Variants in DPYD observed in about 807,000 individuals in gnomAD.
DPYD encodes dihydropyrimidine dehydrogenase [NADP(+)].
Under a neutral mutation model 116.2 loss-of-function variants are expected in DPYD, and 109 were observed. The observed-to-expected ratio is 0.94, with a 90% CI of 0.80 to 1.10. DPYD has a LOEUF of 1.10. Among genes scored for constraint, DPYD ranks in the 50% least tolerant of loss-of-function variants. The pLI, the probability that DPYD is intolerant of heterozygous loss-of-function variation, is 0.00. For missense variants in DPYD, 1,302 were observed against 1,254.5 expected, an observed-to-expected ratio of 1.04 and a Z score of -0.57; for synonymous variants, 440 against 432.0, an observed-to-expected ratio of 1.02 and a Z score of -0.23.
At chr1:97,351,030 G>GT (rs1490959325) in intron 16 of DPYD, among the ~76,000 whole-genome samples, 1 of 152,106 alleles carries the variant, frequency 6.6e-6, no homozygotes, top group Non-Finnish European at 1.5e-5. Flanking sequence ...GCTGAACTTT[G>GT]TATCTCCTAT....
intron 14 of DPYD, among the ~76,000 whole-genome samples, chr1:97,415,296 A>G (rs1038869087): frequency 8.5e-5 from 13 of 152,154 alleles, no homozygotes; most frequent in Non-Finnish European, 1.5e-4. Flanking sequence ...GATCTTTTTC[A>G]CAATCTCCAG....
chr1:97,493,581 A>G (rs1452720851), intron 13 of DPYD, among the ~76,000 whole-genome samples: 1 of 152,120 alleles, frequency 6.6e-6, no homozygotes, highest in Non-Finnish European at 1.5e-5. Context: ...ACTGGGAATT[A>G]TGATTCATGG....
intron 13 of DPYD, among the ~76,000 whole-genome samples, chr1:97,457,673 T>C (rs1437893844): frequency 4.6e-5 from 7 of 152,146 alleles, no homozygotes; most frequent in Admixed American, 4.6e-4. Flanking sequence ...TTGTGGGAGT[T>C]CAGGTGACTG....
At chr1:97,895,899 C>T (rs917132903) in intron 1 of DPYD, among the ~76,000 whole-genome samples, 3 of 151,610 alleles carry the variant, frequency 2.0e-5, no homozygotes, top group Non-Finnish European at 3.0e-5. Context: ...CAAGATATCC[C>T]AATTTTTTTA....
intron 5 of DPYD, among the ~76,000 whole-genome samples, chr1:97,712,439 CT>C (rs1383873634): frequency 6.6e-6 from 1 of 151,600 alleles, no homozygotes; most frequent in African/African-American, 2.4e-5. Flanking sequence ...ATTTTATCTC[CT>C]TTTAGGATAT....
chr1:97,705,748 C>G (rs1354428064), intron 5 of DPYD, among the ~76,000 whole-genome samples: 2 of 152,082 alleles, frequency 1.3e-5, no homozygotes, highest in Non-Finnish European at 2.9e-5. Flanking sequence ...ACAGTCCCAC[C>G]AACAGTGTAA....
intron 8 of DPYD, among the ~76,000 whole-genome samples, chr1:97,640,875 T>C (rs1038190334): frequency 2.0e-5 from 3 of 152,170 alleles, no homozygotes. Context: ...GCATGACTCA[T>C]ACTTGGCCCT....
intron 13 of DPYD, among the ~76,000 whole-genome samples, chr1:97,472,233 T>C (rs562197606): frequency 4.3e-4 from 65 of 152,328 alleles, no homozygotes; most frequent in Non-Finnish European, 8.7e-4. Context: ...TGCCAGTCTC[T>C]GAAGAGTTCC....
intron 3 of DPYD, among the ~76,000 whole-genome samples, chr1:97,817,477 T>G (rs1668684283): frequency 6.6e-6 from 1 of 152,030 alleles, no homozygotes; most frequent in South Asian, 2.1e-4. Flanking sequence ...TAACTAAATG[T>G]CAATGTCTAT....
At chr1:97,169,957 A>C (rs1656603658) in intron 20 of DPYD, among the ~76,000 whole-genome samples, 1 of 152,174 alleles carries the variant, frequency 6.6e-6, no homozygotes, top group African/African-American at 2.4e-5. Flanking sequence ...ACACTCAATA[A>C]ATAACTAAGG....
intron 21 of DPYD, chr1:97,095,825 GT>G (rs909375411): frequency 2.0e-5 from 3 of 152,062 alleles, no homozygotes; most frequent in African/African-American, 7.2e-5. Context: ...CTACTATTTT[GT>G]TTTTTGACAG....
In DPYD at chr1:97,369,759, C is replaced by T. The variant is rs545196803; in HGVS notation, c.2058+3802G>A. Among the ~76,000 whole-genome samples, 9 of 152,290 alleles carry T rather than the reference C, an allele frequency of 5.9e-5. No homozygotes were observed. In the South Asian group the frequency reaches 1.0e-3, roughly 18 times the overall value. The stretch of plus-strand genomic sequence containing the variant: ...TTGACACCGTTAACTAAAATGGAAG[C>T]GCAGCCTCCAGTATAAAAGACCAAG... On this transcript the variant is annotated intron_variant, in intron 16 of 22. Transcript: ENST00000370192.
chr1:97,815,846 G>A (rs1330493795), intron 3 of DPYD, among the ~76,000 whole-genome samples: 4 of 151,998 alleles, frequency 2.6e-5, no homozygotes. Flanking sequence ...ATTACACAAG[G>A]GAAACTTTTG....
chr1:97,545,006 T>C (rs1289037667), intron 12 of DPYD, among the ~76,000 whole-genome samples: 1 of 152,124 alleles, frequency 6.6e-6, no homozygotes, highest in Non-Finnish European at 1.5e-5. Context: ...CTCAGTAAGA[T>C]TTCTGGTCAA....
intron 10 of DPYD, among the ~76,000 whole-genome samples, chr1:97,587,851 A>G (rs904907853): frequency 6.6e-6 from 1 of 151,256 alleles, no homozygotes; most frequent in Non-Finnish European, 1.5e-5. Flanking sequence ...AAAAAAAAAA[A>G]GCATGTTTAG....
chr1:97,659,577 C>T (rs1659135830), intron 8 of DPYD, among the ~76,000 whole-genome samples: 1 of 152,122 alleles, frequency 6.6e-6, no homozygotes, highest in Non-Finnish European at 1.5e-5. Context: ...AAGTCTTTAA[C>T]AGAAATCAGT....
intron 8 of DPYD, among the ~76,000 whole-genome samples, chr1:97,644,213 G>A (rs1354764564): frequency 6.6e-6 from 1 of 152,118 alleles, no homozygotes; most frequent in Non-Finnish European, 1.5e-5. Flanking sequence ...TGAATGCTAT[G>A]TCTGTATATG....
rs933318900 is a variant in DPYD at position 97,086,243 on chromosome 1, G to A, written c.2767-3773C>T. Among the ~76,000 whole-genome samples, 30 of 151,960 alleles carry A rather than the reference G, an allele frequency of 2.0e-4. 1 individual carries two copies. The highest frequency in any genetic ancestry group is 1.3e-4 in the Admixed American group (2 of 15,248). On this transcript the variant is annotated intron_variant, in intron 21 of 22. Transcript: ENST00000370192. ...TAATTTTTGTATTTTTAGTAGAGCC[G>A]GGTTTCACCATATTGGCCCGGCTGG...
chr1:97,448,120 G>A (rs1454894645), intron 14 of DPYD, among the ~76,000 whole-genome samples: 1 of 152,060 alleles, frequency 6.6e-6, no homozygotes, highest in African/African-American at 2.4e-5. Flanking sequence ...AGGAGGCTTA[G>A]GCAGGAGGAT....
Sources: gnomAD v4.1 joint callset for allele counts (sites outside exome capture counted in the v4.1 genomes callset) on GRCh38, gnomAD v4.1.1 for gene constraint, MANE v1.5 for transcripts, NCBI Gene and HGNC (gene_info 2026-07-23, HGNC 2026-07-21) for gene names.